ASCC1: variants seen among roughly 807,000 people sequenced by gnomAD.
ASCC1 encodes ASC-1 complex subunit P50.
In ASCC1, 35 loss-of-function variants were observed where a neutral mutation model predicts 46.6. The observed-to-expected ratio is 0.75, with a 90% CI of 0.57 to 0.99. The LOEUF (loss-of-function observed/expected upper bound fraction) is 0.99, where lower values mean the gene tolerates loss of function less well. ASCC1 is among the 50% of genes least tolerant of loss of function. The pLI is 0.00. For synonymous variants in ASCC1, 143 were observed against 146.6 expected (o/e 0.98, Z 0.18); for missense variants, 376 against 428.7 (o/e 0.88, Z 1.09).
At chr10:72,165,122 C>CT (rs1281787923) in intron 5 of ASCC1, among the ~76,000 whole-genome samples, 57 of 133,866 alleles carry the variant, frequency 4.3e-4, no homozygotes, top group African/African-American at 2.0e-3. Flanking sequence ...AACTCTTTTT[C>CT]TTTTTTTTTG....
At chr10:72,136,325 A>G (rs961322805) in intron 7 of ASCC1, among the ~76,000 whole-genome samples, 2 of 152,148 alleles carry the variant, frequency 1.3e-5, no homozygotes, top group Admixed American at 6.5e-5. Context: ...TTGTAAACGC[A>G]CCAATCAGCA....
intron 5 of ASCC1, among the ~76,000 whole-genome samples, chr10:72,166,484 T>C (rs1175335628): frequency 7.1e-6 from 1 of 140,134 alleles, no homozygotes; most frequent in Non-Finnish European, 1.6e-5. Context: ...CCAACATAAT[T>C]GAGTTTTTTT....
intron 9 of ASCC1, among the ~76,000 whole-genome samples, chr10:72,122,160 C>T (rs1184966121): frequency 1.3e-5 from 2 of 152,202 alleles, no homozygotes; most frequent in East Asian, 1.9e-4. Flanking sequence ...GCGGCTCACG[C>T]CTGTAATCCC....
At chr10:72,110,952 C>A (rs554905540) in intron 9 of ASCC1, among the ~76,000 whole-genome samples, 5 of 152,286 alleles carry the variant, frequency 3.3e-5, no homozygotes, top group African/African-American at 1.2e-4. Flanking sequence ...ACTAAGTTAC[C>A]TCATTAGACG....
chr10:72,190,888 C>T (rs1455966132), intron 5 of ASCC1, among the ~76,000 whole-genome samples: 1 of 148,506 alleles, frequency 6.7e-6, no homozygotes, highest in Non-Finnish European at 1.5e-5. Flanking sequence ...CCCAGCTACT[C>T]TATAGGCTGA....
chr10:72,105,741 T>C (rs1287391003), intron 9 of ASCC1, among the ~76,000 whole-genome samples: 1 of 152,138 alleles, frequency 6.6e-6, no homozygotes, highest in African/African-American at 2.4e-5. Context: ...GGTAATGTTG[T>C]GGTATACACT....
chr10:72,103,098 C>G (rs1317952853), intron 9 of ASCC1: 3 of 330,784 alleles, frequency 9.1e-6, no homozygotes, highest in Non-Finnish European at 1.8e-5. Context: ...TATCTTATTG[C>G]GTCCTCACAA....
chr10:72,110,882 G>C (rs1336905177), intron 9 of ASCC1, among the ~76,000 whole-genome samples: 2 of 152,314 alleles, frequency 1.3e-5, no homozygotes, highest in African/African-American at 4.8e-5. Context: ...GCTGGCCTTG[G>C]ATTGGCTCCC....
At chr10:72,134,170 C>T (rs1845921366) in intron 7 of ASCC1, 1 of 152,200 alleles carries the variant, frequency 6.6e-6, no homozygotes, top group South Asian at 2.1e-4. Flanking sequence ...GTGGCTCACA[C>T]CTGTCATCCC....
At chr10:72,147,583 A>G (rs1474134764) in intron 7 of ASCC1, among the ~76,000 whole-genome samples, 1 of 152,056 alleles carries the variant, frequency 6.6e-6, no homozygotes, top group Non-Finnish European at 1.5e-5. Flanking sequence ...TAAATTTTCC[A>G]CTCTAAGAAT....
At chr10:72,153,518 C>T (rs1365757905) in intron 6 of ASCC1, among the ~76,000 whole-genome samples, 7 of 151,138 alleles carry the variant, frequency 4.6e-5, no homozygotes, top group Admixed American at 2.0e-4. Flanking sequence ...CTCCACCTCC[C>T]GGGTTCACAC....
chr10:72,143,887 G>A (rs1036764053), intron 7 of ASCC1, among the ~76,000 whole-genome samples: 1 of 151,794 alleles, frequency 6.6e-6, no homozygotes, highest in African/African-American at 2.4e-5. Context: ...CTTTGAGGCT[G>A]TTCTATTAGG....
upstream of ASCC1, chr10:72,217,069 G>C: frequency 2.2e-6 from 1 of 454,104 alleles, no homozygotes; most frequent in Non-Finnish European, 4.4e-6. Context: ...CATCCGAAAT[G>C]CTCGGGACTG....
intron 8 of ASCC1, among the ~76,000 whole-genome samples, chr10:72,130,956 A>G (rs756158885): frequency 2.4e-4 from 36 of 152,376 alleles, no homozygotes; most frequent in Non-Finnish European, 4.6e-4. Context: ...GTTAAAATGT[A>G]CATCATCTCA....
intron 3 of ASCC1, among the ~76,000 whole-genome samples, chr10:72,207,211 A>C (rs975305410): frequency 6.6e-6 from 1 of 152,192 alleles, no homozygotes; most frequent in African/African-American, 2.4e-5. Context: ...CATGAGTTCA[A>C]GACCAGCCTG....
chr10:72,174,814 TTCC>T (rs776381928), intron 5 of ASCC1, among the ~76,000 whole-genome samples: 9 of 152,196 alleles, frequency 5.9e-5, no homozygotes, highest in Non-Finnish European at 8.8e-5. Flanking sequence ...TAGCCTCGGC[TTCC>T]TCCTCTGTAA....
rs200099755 is a variant in ASCC1 at position 72,097,428 on chromosome 10, C to A, written c.980G>T (p.Gly327Val). The A allele has an allele frequency of 3.7e-4, 602 of 1,612,352 alleles. 1 individual carries two copies. Among genetic ancestry groups the A allele is most frequent in the Non-Finnish European group, 4.8e-4 (569 of 1,178,548 alleles). ...ILKLFENFYFGSLKLNSIHIS... is the reference protein window; with the variant it reads ...ILKLFENFYFVSLKLNSIHIS... ...GTGAATTGAATTCAGCTTTAGGGAGCCAAAGTAGAAGTTCTCAAACAACTG... is the reference window on the plus strand; with the variant it reads ...GTGAATTGAATTCAGCTTTAGGGAGACAAAGTAGAAGTTCTCAAACAACTG... The change falls in exon 10 of 10, where the codon GGC (glycine) becomes GTC (valine). Residue 327 changes from glycine (G) to valine (V), a missense_variant. Gly to Val is a moderately radical substitution (Grantham distance 109, BLOSUM62 -3). Coordinates refer to ENST00000672957, the MANE Select transcript of ASCC1 (RefSeq NM_001198800.3).
At chr10:72,105,474 G>A (rs1036958495) in intron 9 of ASCC1, among the ~76,000 whole-genome samples, 3 of 152,232 alleles carry the variant, frequency 2.0e-5, no homozygotes, top group Non-Finnish European at 2.9e-5. Context: ...CAAGTCTGAC[G>A]AAGAGGTCAA....
intron 3 of ASCC1, among the ~76,000 whole-genome samples, chr10:72,209,404 C>T (rs1564767113): frequency 1.3e-5 from 2 of 151,968 alleles, no homozygotes; most frequent in Non-Finnish European, 2.9e-5. Context: ...ATCACTTTAC[C>T]CCGGGCAGTC....
Sources: gnomAD v4.1 joint callset for allele counts (sites outside exome capture counted in the v4.1 genomes callset) on GRCh38, gnomAD v4.1.1 for gene constraint, MANE v1.5 for transcripts, NCBI Gene and HGNC (gene_info 2026-07-23, HGNC 2026-07-21) for gene names.